Variants in MLC1 observed in about 807,000 individuals in gnomAD.
MLC1 encodes membrane protein MLC1.
A neutral mutation model predicts 44.7 loss-of-function variants in MLC1; 32 were observed. That is an observed-to-expected ratio of 0.72 (90% CI 0.54 to 0.96). MLC1 has a LOEUF of 0.96. MLC1 is among the 40% of genes least tolerant of loss of function. The pLI, the probability that MLC1 is intolerant of heterozygous loss-of-function variation, is 0.00. For missense variants in MLC1, 459 were observed against 492.2 expected, an observed-to-expected ratio of 0.93 and a Z score of 0.64; for synonymous variants, 190 against 213.0, an observed-to-expected ratio of 0.89 and a Z score of 0.94.
chr22:50,079,729 G>A (rs956056130), intron 5 of MLC1, among the ~76,000 whole-genome samples, 189 bp downstream of exon 5: 2 of 151,928 alleles, frequency 1.3e-5, no homozygotes, highest in Admixed American at 1.3e-4. Flanking sequence ...AATCTGTCCC[G>A]CAGAATCACG....
rs1016802747 is a variant in MLC1 at position 50,060,725 on chromosome 22, G to T, written c.*858C>A. 1 of 123,248 alleles carries T rather than the reference G, an allele frequency of 8.1e-6. No individual in the cohort carries two copies. The highest frequency in any genetic ancestry group is 1.9e-5 in the Non-Finnish European group (1 of 53,118). The allele number at this position is 123,248 out of a possible 1,614,324, so 7.6% of individuals were successfully genotyped here. On this transcript the variant is annotated 3_prime_UTR_variant, in exon 12 of 12. Coordinates refer to ENST00000311597, the MANE Select transcript of MLC1 (RefSeq NM_015166.4). ...AGCGGCCACGTGGCACTCCAAGCTG[G>T]GCATGACAGTGCCCGGGACGTGGGC...
intron 10 of MLC1, among the ~76,000 whole-genome samples, chr22:50,064,914 C>G (rs944811629): frequency 1.3e-5 from 2 of 152,060 alleles, no homozygotes; most frequent in African/African-American, 2.4e-5. Context: ...GAACGAACAG[C>G]TCTTCTCAAG....
In MLC1 at chr22:50,059,451, GAC is replaced by G. The variant is rs1336747273; in HGVS notation, c.*2130_*2131del. Reference sequence around the variant, plus strand: ...TTAAACAAAAATGTAGACTGAAAGAGACAGTTCTTTTAAACCCCATTTTTCCG... The same window carrying G: ...TTAAACAAAAATGTAGACTGAAAGAGAGTTCTTTTAAACCCCATTTTTCCG... On this transcript the variant is annotated 3_prime_UTR_variant, in exon 12 of 12. Transcript: ENST00000311597. 1 of 152,404 alleles carries G rather than the reference GAC, an allele frequency of 6.6e-6. No individual in the cohort carries two copies. The highest frequency in any genetic ancestry group is 2.4e-5 in the African/African-American group (1 of 41,474). The allele number at this position is 152,404 out of a possible 1,614,324, so 9.4% of individuals were successfully genotyped here.
intron 5 of MLC1, among the ~76,000 whole-genome samples, chr22:50,079,540 C>T (rs1223034396): frequency 2.7e-5 from 3 of 112,498 alleles, no homozygotes; most frequent in Non-Finnish European, 5.1e-5. Context: ...GAGTCTTGCT[C>T]TGTCTTCCAG....
Position 50,084,630 on chromosome 22 carries a change from C to T in MLC1, c.177+96G>A, listed in dbSNP as rs1376598449. On this transcript the variant is annotated intron_variant, in intron 2 of 11. Coordinates refer to ENST00000311597, the MANE Select transcript of MLC1 (RefSeq NM_015166.4). ...CAGCAGGGTTAGTCTGAGAGTTGCT[C>T]TCTCTGTCCCACCTGGGGCTCCAGG... 8.1e-6 allele frequency: 11 copies of T among 1,362,426 alleles called. No individual in the cohort carries two copies. In the Admixed American group the frequency reaches 1.5e-4, roughly 19 times the overall value. The allele number at this position is 1,362,426 out of a possible 1,614,324, so 84.4% of individuals were successfully genotyped here.
chr22:50,067,465 A>G (rs1451093372), intron 10 of MLC1, among the ~76,000 whole-genome samples: 4 of 84,698 alleles, frequency 4.7e-5, no homozygotes, highest in Non-Finnish European at 2.2e-5. Context: ...TCAGGCAGTG[A>G]CTCCATCCCC....
rs766603387 is a variant in MLC1 at position 50,083,098 on chromosome 22, A to G, written c.253T>C (p.Cys85Arg). Residue 85 changes from cysteine to arginine, a missense_variant, in exon 3 of 12, where the codon TGT (cysteine) becomes CGT (arginine). Coordinates refer to ENST00000311597, the MANE Select transcript of MLC1 (RefSeq NM_015166.4). The surrounding 1 kb of genome is among the most constrained non-coding windows in gnomAD (Gnocchi z 4.6). Reference protein sequence around the residue: ...VFPAEMDYLRCAAGSCIPSAI... With the variant: ...VFPAEMDYLRRAAGSCIPSAI... ...AAGCTGCTTACAGAGCCTGCAGCAC[A>G]GCGCAAGTAATCCATCTCAGCCGGG... is the stretch of plus-strand genomic sequence containing the variant. 3.7e-6 allele frequency: 6 copies of G among 1,613,926 alleles called. No homozygotes were observed. Among genetic ancestry groups the G allele is most frequent in the Non-Finnish European group, 5.1e-6 (6 of 1,179,966 alleles).
rs2061552913 is a variant in MLC1, at chr22:50,061,174, G to C, written c.*409C>G. The stretch of plus-strand genomic sequence containing the variant: ...AGCGTGGAGGGAGGAAGCCCGGTCA[G>C]AGTGGGCAGGAGACGCAGGGACCCA... On this transcript the variant is annotated 3_prime_UTR_variant, in exon 12 of 12. Transcript: ENST00000311597. The C allele has an allele frequency of 3.3e-6, 1 of 302,796 alleles. No homozygotes were observed. The highest frequency in any genetic ancestry group is 6.5e-6 in the Non-Finnish European group (1 of 154,788). The allele number at this position is 302,796 out of a possible 1,614,324, so 18.8% of individuals were successfully genotyped here.
chr22:50,084,869 A>G lies in MLC1; in HGVS notation c.34T>C (p.Tyr12His), dbSNP rs1468469243. The change falls in exon 2 of 12, where the codon TAT (tyrosine) becomes CAT (histidine). Residue 12 changes from tyrosine (Y) to histidine (H), a missense_variant. Tyr to His is a moderately conservative substitution (Grantham distance 83, BLOSUM62 2). Transcript: ENST00000311597. ...TQEPFREELA[Y>H]DRMPTLERGR... The stretch of plus-strand genomic sequence containing the variant: ...CGCTCCAGCGTGGGCATCCGGTCAT[A>G]GGCCAGCTCCTCTCTGAATGGCTCC... 1.2e-6 allele frequency: 2 copies of G among 1,613,218 alleles called. No homozygotes were observed. Among genetic ancestry groups the G allele is most frequent in the Non-Finnish European group, 1.7e-6 (2 of 1,180,036 alleles).
chr22:50,085,786 C>G (rs1360765467), upstream of MLC1: 1 of 151,922 alleles, frequency 6.6e-6, no homozygotes, highest in Non-Finnish European at 1.5e-5. Flanking sequence ...TTCACACGGT[C>G]ACATAAGCAT....
chr22:50,079,834 C>T, intron 5 of MLC1, 84 bp downstream of exon 5: 1 of 1,023,050 alleles, frequency 9.8e-7, no homozygotes, highest in Admixed American at 1.7e-5. Context: ...CACCTATTTC[C>T]AGCTCAACAA....
In MLC1 at chr22:50,083,097, C is replaced by G; in HGVS notation, c.254G>C (p.Cys85Ser). The G allele has an allele frequency of 6.2e-7, 1 of 1,614,088 alleles. No homozygotes were observed. Among genetic ancestry groups the G allele is most frequent in the Non-Finnish European group, 8.5e-7 (1 of 1,180,016 alleles). The change falls in exon 3 of 12, where the codon TGT (cysteine) becomes TCT (serine). Residue 85 changes from cysteine (C) to serine (S), a missense_variant. By Grantham distance (112) the Cys-to-Ser change is moderately radical. Transcript: ENST00000311597. This position sits in a 1 kb window ranked among gnomAD's most constrained non-coding sequence, Gnocchi z 4.6. ...VFPAEMDYLR[C>S]AAGSCIPSAI... The stretch of plus-strand genomic sequence containing the variant: ...GAAGCTGCTTACAGAGCCTGCAGCA[C>G]AGCGCAAGTAATCCATCTCAGCCGG...
At position 50,061,241 on chromosome 22, in the gene MLC1, T is replaced by G; in HGVS notation, c.*342A>C. On this transcript the variant is annotated 3_prime_UTR_variant, in exon 12 of 12. Transcript: ENST00000311597. ...AGAGAGCCCACTCCAGCCCAAGCCA[T>G]GAGAGAGGCAGGAAGAGGAGCTGGG... is the stretch of plus-strand genomic sequence containing the variant. 1 of 399,358 alleles carries G rather than the reference T, an allele frequency of 2.5e-6. No homozygotes were observed. Among genetic ancestry groups the G allele is most frequent in the Non-Finnish European group, 4.8e-6 (1 of 210,368 alleles). The allele number at this position is 399,358 out of a possible 1,614,324, so 24.7% of individuals were successfully genotyped here.
At chr22:50,074,796 TG>T (rs137924) in intron 7 of MLC1, 31,812 of 220,660 alleles carry the variant, frequency 0.14, 2,804 homozygotes, top group East Asian at 0.23. Flanking sequence ...ACGGCAACAC[TG>T]GACGTCACCA....
chr22:50,073,030 G>C (rs1047409131), intron 8 of MLC1, among the ~76,000 whole-genome samples: 2 of 152,176 alleles, frequency 1.3e-5, no homozygotes, highest in Non-Finnish European at 2.9e-5. Context: ...CTTCTCGGCA[G>C]TCCACCCGGC....
intron 9 of MLC1, among the ~76,000 whole-genome samples, chr22:50,069,602 T>C (rs1165797968): frequency 6.6e-6 from 1 of 151,916 alleles, no homozygotes; most frequent in Non-Finnish European, 1.5e-5. Flanking sequence ...GCTGAGATCG[T>C]ACCACTGCAC....
At chr22:50,081,031 A>AAGAAAGAAAGAAAGAAAG (rs2062118555) in intron 3 of MLC1, among the ~76,000 whole-genome samples, 2 of 145,460 alleles carry the variant, frequency 1.4e-5, no homozygotes, top group South Asian at 4.2e-4. Flanking sequence ...GAAAGAAAGA[A>AAGAAAGAAAGAAAGAAAG]AGAAAGAAAG....
chr22:50,061,640 CA>C lies in MLC1; in HGVS notation c.1076del (p.Leu359ArgfsTer50), dbSNP rs1372842345. On this transcript the variant is annotated frameshift_variant, in exon 12 of 12. Coordinates refer to ENST00000311597, the MANE Select transcript of MLC1 (RefSeq NM_015166.4). LOFTEE classifies it high-confidence loss of function. The part of the protein sequence containing the change: ...RLAGEVARSP[L>X]KEFDKEKAWR... ...AGGCTTTCTCCTTGTCGAACTCCTT[CA>C]GGGGGCTCCTGGCCACCTGCAACCG... 3 of 1,613,636 alleles carry C rather than the reference CA, an allele frequency of 1.9e-6. No individual in the cohort carries two copies. The South Asian group carries it at 3.3e-5, about 18-fold the overall frequency.
intron 7 of MLC1, among the ~76,000 whole-genome samples, chr22:50,075,427 C>G (rs1484381550): frequency 6.6e-6 from 1 of 152,128 alleles, no homozygotes; most frequent in East Asian, 1.9e-4. Flanking sequence ...AAGCTGAATT[C>G]CCAGCCAGGC....
Sources: gnomAD v4.1 joint callset for allele counts (sites outside exome capture counted in the v4.1 genomes callset) on GRCh38, gnomAD v4.1.1 for gene constraint, Gnocchi (gnomAD v3.1) non-coding constraint, MANE v1.5 for transcripts, NCBI Gene and HGNC (gene_info 2026-07-23, HGNC 2026-07-21) for gene names.